The following OSBPL5 variants were observed in gnomAD, a reference collection of about 807,000 sequenced individuals.
The protein encoded by OSBPL5 is oxysterol binding protein like 5, also known as oxysterol-binding protein-related protein 5.
OSBPL5 carries 71 observed loss-of-function variants against 111.2 expected under a neutral mutation model. The ratio of observed to expected loss-of-function variants is 0.64; its 90% CI spans 0.53 to 0.78. The LOEUF (loss-of-function observed/expected upper bound fraction) is 0.78. Ranked by LOEUF, OSBPL5 falls within the 30% of genes least tolerant of loss-of-function variation. The probability of loss-of-function intolerance (pLI) is 0.00; values close to 1 mark genes in which losing one functional copy is unlikely to be tolerated. For missense variants in OSBPL5, 1,210 were observed against 1,189.3 expected (o/e 1.02, Z -0.26); for synonymous variants, 549 against 513.9 (o/e 1.07, Z -0.93).
rs1285955394 is a variant in OSBPL5 at position 3,129,133 on chromosome 11, A to G, written c.16T>C (p.Phe6Leu). The change falls in exon 2 of 22, where the codon TTC becomes CTC. Residue 6 changes from phenylalanine (F) to leucine (L), a missense_variant. Coordinates refer to ENST00000263650, the MANE Select transcript of OSBPL5 (RefSeq NM_020896.4). MKEEA[F>L]LRRRFSLCPP... ...CACAGGGAGAAGCGGCGCCGGAGGAAGGCCTCCTCCTTCATGCTGTGGGCG... is the reference window on the plus strand; with the variant it reads ...CACAGGGAGAAGCGGCGCCGGAGGAGGGCCTCCTCCTTCATGCTGTGGGCG... The G allele has an allele frequency of 6.8e-7, 1 of 1,480,774 alleles. No homozygotes were observed. The highest frequency in any genetic ancestry group is 9.0e-7 in the Non-Finnish European group (1 of 1,111,102). 91.7% of individuals were successfully genotyped at this position (1,480,774 alleles called of 1,614,324 possible). A position where few individuals can be genotyped will look rare whatever the true frequency, so the allele number is the denominator to read the frequency against.
chr11:3,119,578 G>A lies in OSBPL5; in HGVS notation c.660C>T (p.Tyr220=). 1 of 1,579,390 alleles carries A rather than the reference G, an allele frequency of 6.3e-7. No homozygotes were observed. Among genetic ancestry groups the A allele is most frequent in the Admixed American group, 1.9e-5 (1 of 52,078 alleles). ...ACTCGGAGGCGGCCCTGAAGATCAG[G>A]TAGCTGCTGGGCAGGGGCTGTGTGA... The part of the protein sequence containing the change: ...GSITQPLPSS[Y]LIFRAASESD... Residue 220 remains tyrosine, a synonymous_variant, in exon 7 of 22, where the codon TAC becomes TAT. Coordinates refer to ENST00000263650, the MANE Select transcript of OSBPL5 (RefSeq NM_020896.4).
In OSBPL5 at chr11:3,107,152, C is replaced by A. The variant is rs1426148764; in HGVS notation, c.1059+111G>T. Reference sequence around the variant, plus strand: ...TGCCAAGTGATGGGGACAAAAGCTACCCCCTGGGCCCTGCGTGCTCCCCCT... The same window carrying A: ...TGCCAAGTGATGGGGACAAAAGCTAACCCCTGGGCCCTGCGTGCTCCCCCT... On this transcript the variant is annotated intron_variant, in intron 9 of 21. Coordinates refer to ENST00000263650, the MANE Select transcript of OSBPL5 (RefSeq NM_020896.4). This position sits in a 1 kb window ranked among gnomAD's most constrained non-coding sequence, Gnocchi z 6.1. The A allele has an allele frequency of 1.6e-6, 2 of 1,235,188 alleles. No homozygotes were observed. Among genetic ancestry groups the A allele is most frequent in the East Asian group, 2.4e-5 (1 of 41,146 alleles). 76.5% of individuals were successfully genotyped at this position (1,235,188 alleles called of 1,614,324 possible).
In OSBPL5 at chr11:3,114,317, G is replaced by T. The variant is rs561845476; in HGVS notation, c.691+5230C>A. Among the ~76,000 whole-genome samples, 6 of 152,208 alleles carry T rather than the reference G, an allele frequency of 3.9e-5. No homozygotes were observed. In the South Asian group the frequency reaches 1.2e-3, roughly 32 times the overall value. ...GGTGGAGAGTAAGAAAGCTTAAAGA[G>T]AAATAATTTCATATGAGAAAGAATC... is the stretch of plus-strand genomic sequence containing the variant. On this transcript the variant is annotated intron_variant, in intron 7 of 21. Coordinates refer to ENST00000263650, the MANE Select transcript of OSBPL5 (RefSeq NM_020896.4).
Position 3,109,522 on chromosome 11 carries a change from G to T in OSBPL5, c.692-1577C>A, listed in dbSNP as rs1049018357. Among the ~76,000 whole-genome samples the T allele has an allele frequency of 6.6e-6, 1 of 152,190 alleles. No individual in the cohort carries two copies. Among genetic ancestry groups the T allele is most frequent in the Non-Finnish European group, 1.5e-5 (1 of 68,042 alleles). On this transcript the variant is annotated intron_variant, in intron 7 of 21. Coordinates refer to ENST00000263650, the MANE Select transcript of OSBPL5 (RefSeq NM_020896.4). The surrounding 1 kb of genome is among the most constrained non-coding windows in gnomAD (Gnocchi z 7.4). The stretch of plus-strand genomic sequence containing the variant: ...ACAGTGAGTTTTTCTCCCTCACTTT[G>T]AGATCCATTAAATCCTGCTCTTCGT...
chr11:3,099,828 G>A (rs1489930459), intron 14 of OSBPL5, among the ~76,000 whole-genome samples: 1 of 152,158 alleles, frequency 6.6e-6, no homozygotes, highest in Non-Finnish European at 1.5e-5. Flanking sequence ...CAGCACTTTG[G>A]GAGGCCGAGG....
chr11:3,098,495 AT>A (rs552382553), intron 14 of OSBPL5, among the ~76,000 whole-genome samples: 11,728 of 80,852 alleles, frequency 0.15, 333 homozygotes, highest in Non-Finnish European at 0.17. Flanking sequence ...ACATGAAGGA[AT>A]TTTTTTTTTT....
chr11:3,131,955 ATCCATCCATCCATCCATCCAC>A lies in OSBPL5; in HGVS notation c.-21-2807_-21-2787del. 7.5e-5 allele frequency among the ~76,000 whole-genome samples: 5 copies of A among 66,632 alleles called. No homozygotes were observed. In the Admixed American group the frequency reaches 9.2e-4, roughly 12 times the overall value. 43.7% of individuals were successfully genotyped at this position (66,632 alleles called of 152,430 possible). On this transcript the variant is annotated intron_variant, in intron 1 of 21. Transcript: ENST00000263650. ...CATCCATCCATCCATCCATCCATCC[ATCCATCCATCCATCCATCCAC>A]CCACCCATCCACCCACCCTCCCTCC...
chr11:3,100,336 T>A (rs537894743), intron 13 of OSBPL5, 80 bp from the exon 14 acceptor site: 29 of 1,277,678 alleles, frequency 2.3e-5, no homozygotes, highest in Admixed American at 1.1e-4. Flanking sequence ...TCACAGGGTC[T>A]GAGCTCCTTC....
In OSBPL5 at chr11:3,126,488, G is replaced by A; in HGVS notation, c.204C>T (p.Ala68=). ...RDEGPPTPSS[A]TKVPPAEYRL... ...AGGCTCTTACCGGTGGCACCTTCGT[G>A]GCAGAGCTTGGGGTCGGGGGCCCTT... The change falls in exon 3 of 22, where the codon GCC becomes GCT. Residue 68 remains alanine, a synonymous_variant. Coordinates refer to ENST00000263650, the MANE Select transcript of OSBPL5 (RefSeq NM_020896.4). This position sits in a 1 kb window ranked among gnomAD's most constrained non-coding sequence, Gnocchi z 6.5. 1 of 1,609,278 alleles carries A rather than the reference G, an allele frequency of 6.2e-7. No individual in the cohort carries two copies. Among genetic ancestry groups the A allele is most frequent in the Non-Finnish European group, 8.5e-7 (1 of 1,178,562 alleles).
chr11:3,090,379 C>T (rs1234422658), intron 20 of OSBPL5, among the ~76,000 whole-genome samples, 179 bp downstream of exon 20: 1 of 152,066 alleles, frequency 6.6e-6, no homozygotes, highest in Non-Finnish European at 1.5e-5. Context: ...CCTTGGGCTG[C>T]CTCCCAGACT....
chr11:3,111,832 A>T (rs561002968), intron 7 of OSBPL5, among the ~76,000 whole-genome samples: 1 of 152,228 alleles, frequency 6.6e-6, no homozygotes, highest in South Asian at 2.1e-4. Context: ...AAGAGTAATG[A>T]CTGTACTTCT....
At chr11:3,097,089 G>T in intron 14 of OSBPL5, among the ~76,000 whole-genome samples, 1 of 137,712 alleles carries the variant, frequency 7.3e-6, no homozygotes, top group Non-Finnish European at 1.6e-5. Context: ...AGGAGAAGAG[G>T]AAAGAGGGGG....
At position 3,105,174 on chromosome 11, in the gene OSBPL5, C is replaced by T. The variant is rs959559347; in HGVS notation, c.1060-797G>A. On this transcript the variant is annotated intron_variant, in intron 9 of 21. Coordinates refer to ENST00000263650, the MANE Select transcript of OSBPL5 (RefSeq NM_020896.4). This position sits in a 1 kb window ranked among gnomAD's most constrained non-coding sequence, Gnocchi z 5.2. ...GACAAGTGACTTGTCCAAGGTCACA[C>T]GGCTGCTATGCGGCAGAGGTCAGAT... Among the ~76,000 whole-genome samples, 13 of 152,182 alleles carry T rather than the reference C, an allele frequency of 8.5e-5. No homozygotes were observed. Among genetic ancestry groups the T allele is most frequent in the South Asian group, 2.1e-4 (1 of 4,828 alleles).
In OSBPL5 at chr11:3,120,550, C is replaced by G. The variant is rs549324923; in HGVS notation, c.477G>C (p.Thr159=). ...LKPGVLLIYK[T]PKVGQWVGTV... ...TGCCCACCCACTGGCCCACCTTGGGCGTCTTGTAGATGAGCAGCACCCCCG... is the reference window on the plus strand; with the variant it reads ...TGCCCACCCACTGGCCCACCTTGGGGGTCTTGTAGATGAGCAGCACCCCCG... Residue 159 remains threonine (T), a synonymous_variant, in exon 6 of 22, where the codon ACG becomes ACC. Transcript: ENST00000263650. The G allele has an allele frequency of 6.2e-7, 1 of 1,613,308 alleles. No individual in the cohort carries two copies. The highest frequency in any genetic ancestry group is 8.5e-7 in the Non-Finnish European group (1 of 1,180,024).
In OSBPL5 at chr11:3,135,642, G is replaced by A. The variant is rs905785830; in HGVS notation, c.-21-6473C>T. ...TGGACATGTGGGGCTCTCGGGGACT[G>A]CAGGTGGCCGTGATGGTGTCGTGCA... On this transcript the variant is annotated intron_variant, in intron 1 of 21. Transcript: ENST00000263650. 1.1e-4 allele frequency among the ~76,000 whole-genome samples: 16 copies of A among 152,340 alleles called. No individual in the cohort carries two copies. In the South Asian group the frequency reaches 2.1e-3, roughly 20 times the overall value.
At chr11:3,102,420 GAAC>G in intron 11 of OSBPL5, 139 bp from the exon 12 acceptor site, 4 of 723,976 alleles carry the variant, frequency 5.5e-6, no homozygotes, top group Non-Finnish European at 9.7e-6. Context: ...TAGCATCTGG[GAAC>G]AACACCTCAC....
intron 1 of OSBPL5, among the ~76,000 whole-genome samples, chr11:3,132,008 G>GCCAT (rs1491520019): frequency 3.3e-4 from 2 of 6,000 alleles, no homozygotes; most frequent in Non-Finnish European, 3.7e-4. Context: ...CTCCCTTTCA[G>GCCAT]GCATCCATCC....
intron 5 of OSBPL5, among the ~76,000 whole-genome samples, 192 bp from the exon 6 acceptor site, chr11:3,120,816 C>T (rs1184346643): frequency 6.6e-6 from 1 of 152,216 alleles, no homozygotes; most frequent in East Asian, 1.9e-4. Flanking sequence ...TGTCCTGTGT[C>T]TATCGTGTAC....
chr11:3,120,381 C>T (rs1232181691), intron 6 of OSBPL5, 40 bp downstream of exon 6: 2 of 1,583,712 alleles, frequency 1.3e-6, no homozygotes, highest in Non-Finnish European at 1.7e-6. Context: ...CCCCTTGGCC[C>T]TACGGGGCCT....
Sources: gnomAD v4.1 joint callset for allele counts (sites outside exome capture counted in the v4.1 genomes callset) on GRCh38, gnomAD v4.1.1 for gene constraint, Gnocchi (gnomAD v3.1) non-coding constraint, MANE v1.5 for transcripts, NCBI Gene and HGNC (gene_info 2026-07-23, HGNC 2026-07-21) for gene names.